Variants in ZNF813 observed in about 807,000 individuals in gnomAD.
ZNF813 encodes zinc finger protein 813.
ZNF813 carries 3 observed loss-of-function variants against 7.2 expected under a neutral mutation model. The observed-to-expected ratio is 0.42, with a 90% CI of 0.19 to 1.08. The LOEUF (loss-of-function observed/expected upper bound fraction) is 1.08. Among genes scored for constraint, ZNF813 ranks in the 50% least tolerant of loss-of-function variants. ZNF813 has a pLI of 0.30. For synonymous variants in ZNF813, 227 were observed against 256.3 expected (o/e 0.89, Z 1.09); for missense variants, 714 against 753.3 (o/e 0.95, Z 0.61).
Position 53,492,403 on chromosome 19 carries a change from A to G in ZNF813, c.*317A>G. 1 of 475,990 alleles carries G rather than the reference A, an allele frequency of 2.1e-6. No individual in the cohort carries two copies. Among genetic ancestry groups the G allele is most frequent in the Non-Finnish European group, 3.9e-6 (1 of 257,052 alleles). 29.5% of individuals were successfully genotyped at this position (475,990 alleles called of 1,614,324 possible). On this transcript the variant is annotated 3_prime_UTR_variant, in exon 4 of 4. Transcript: ENST00000396403. ...AGGTGAAGAATATCACAGAGTTTTCAGTCACAAGTCAAACCTTGAAAGACA... is the reference window on the plus strand; with the variant it reads ...AGGTGAAGAATATCACAGAGTTTTCGGTCACAAGTCAAACCTTGAAAGACA...
chr19:53,472,402 C>A (rs1456351257), intron 1 of ZNF813, among the ~76,000 whole-genome samples: 1 of 152,104 alleles, frequency 6.6e-6, no homozygotes, highest in Non-Finnish European at 1.5e-5. Flanking sequence ...GAGTCTAGGT[C>A]TGCTGCTGGA....
chr19:53,492,450 G>A lies in ZNF813; in HGVS notation c.*364G>A. ...GACATAAAATAAATCATACTGCAGA[G>A]AAACCATAAAATTGTAAGAGTTCGT... On this transcript the variant is annotated 3_prime_UTR_variant, in exon 4 of 4. Transcript: ENST00000396403. 2.4e-6 allele frequency: 1 copy of A among 417,936 alleles called. No homozygotes were observed. The highest frequency in any genetic ancestry group is 4.6e-6 in the Non-Finnish European group (1 of 215,236). The allele number at this position is 417,936 out of a possible 1,614,324, so 25.9% of individuals were successfully genotyped here.
At chr19:53,479,801 C>G (rs568200196) in intron 1 of ZNF813, 2 of 1,180,444 alleles carry the variant, frequency 1.7e-6, no homozygotes, top group South Asian at 2.4e-5. Context: ...GGCAGAGTCC[C>G]GTTGCTGAGA....
chr19:53,474,896 T>C (rs2617693), intron 1 of ZNF813, among the ~76,000 whole-genome samples: 138,448 of 152,110 alleles, frequency 0.91, 63,042 homozygotes, highest in Admixed American at 0.93. Flanking sequence ...TAACTTGGGT[T>C]GTCTTGGAGA....
intron 3 of ZNF813, among the ~76,000 whole-genome samples, chr19:53,490,007 G>T (rs2086451341): frequency 1.3e-5 from 2 of 152,112 alleles, no homozygotes; most frequent in African/African-American, 4.8e-5. Flanking sequence ...GCATTTATTT[G>T]TATACAGCAA....
intron 1 of ZNF813, chr19:53,479,269 A>C: frequency 7.2e-7 from 1 of 1,382,908 alleles, no homozygotes; most frequent in Admixed American, 1.9e-5. Flanking sequence ...TTCTCTTTTA[A>C]TACATAATCA....
rs200794390 is a variant in ZNF813 at position 53,486,801 on chromosome 19, T to C, written c.142+43T>C. ...CCAGAAGTGGGGATGTGCCCTTGTGTATCTTTGTATTTTCTCTTGTTTTTA... is the reference window on the plus strand; with the variant it reads ...CCAGAAGTGGGGATGTGCCCTTGTGCATCTTTGTATTTTCTCTTGTTTTTA... On this transcript the variant is annotated intron_variant, in intron 3 of 3. Transcript: ENST00000396403. 2.0e-5 allele frequency: 32 copies of C among 1,577,428 alleles called. No homozygotes were observed. The East Asian group carries it at 7.2e-4, about 36-fold the overall frequency.
Position 53,471,242 on chromosome 19 carries a change from G to A in ZNF813, c.-74+3453G>A, listed in dbSNP as rs548531767. ...CTTGTCCTTTTTCCTGGCAACTGTC[G>A]GTAGGCCCTTGGTGCACAGATCTAA... is the stretch of plus-strand genomic sequence containing the variant. On this transcript the variant is annotated intron_variant, in intron 1 of 3. Coordinates refer to ENST00000396403, the MANE Select transcript of ZNF813 (RefSeq NM_001004301.4). Among the ~76,000 whole-genome samples the A allele has an allele frequency of 4.6e-5, 7 of 152,112 alleles. 1 individual carries two copies. Among genetic ancestry groups the A allele is most frequent in the South Asian group, 4.1e-4 (2 of 4,822 alleles).
intron 3 of ZNF813, among the ~76,000 whole-genome samples, chr19:53,486,981 G>GTT (rs67693797): frequency 3.7e-4 from 32 of 86,070 alleles, no homozygotes; most frequent in South Asian, 2.0e-3. Context: ...TACTTTTTTA[G>GTT]TTTTTTTTTT....
chr19:53,496,081 A>G lies in ZNF813; in HGVS notation c.*3995A>G. On this transcript the variant is annotated 3_prime_UTR_variant, in exon 4 of 4. Coordinates refer to ENST00000396403, the MANE Select transcript of ZNF813 (RefSeq NM_001004301.4). ...GCACACATATTTATGCTGTGTGAGC[A>G]TTACAATCGCGTTACCATATCAAGC... The G allele has an allele frequency of 3.6e-6, 1 of 275,130 alleles. No individual in the cohort carries two copies. The highest frequency in any genetic ancestry group is 4.6e-5 in the South Asian group (1 of 21,660). 17.0% of individuals were successfully genotyped at this position (275,130 alleles called of 1,614,324 possible). A position where few individuals can be genotyped will look rare whatever the true frequency, so the allele number is the denominator to read the frequency against.
chr19:53,475,805 G>T (rs2086379208), intron 1 of ZNF813, among the ~76,000 whole-genome samples: 2 of 152,234 alleles, frequency 1.3e-5, no homozygotes, highest in Admixed American at 1.3e-4. Flanking sequence ...AGCCCCTATA[G>T]TCATTGTTTT....
intron 2 of ZNF813, among the ~76,000 whole-genome samples, chr19:53,484,645 A>C (rs1260554454): frequency 6.6e-6 from 1 of 152,178 alleles, no homozygotes; most frequent in Non-Finnish European, 1.5e-5. Flanking sequence ...GCTCATGGGA[A>C]CCTCCATCTT....
At chr19:53,470,688 C>T (rs186347516) in intron 1 of ZNF813, among the ~76,000 whole-genome samples, 90 of 146,246 alleles carry the variant, frequency 6.2e-4, no homozygotes, top group African/African-American at 2.1e-3. Flanking sequence ...ACTCAGGAGT[C>T]TACTTTGTCT....
chr19:53,478,471 C>G (rs2086392149), intron 1 of ZNF813, among the ~76,000 whole-genome samples: 1 of 152,126 alleles, frequency 6.6e-6, no homozygotes, highest in Non-Finnish European at 1.5e-5. Flanking sequence ...CGCACCTAGC[C>G]TACATAGTAC....
chr19:53,490,489 G>T lies in ZNF813; in HGVS notation c.257G>T (p.Arg86Leu), dbSNP rs776116657. The part of the protein sequence containing the change: ...RHESHHTGDF[R>L]FQEIDKDIHN... ...GAAAGTCATCACACTGGAGACTTTC[G>T]CTTTCAGGAAATTGATAAAGATATT... Residue 86 changes from arginine (R) to leucine (L), a missense_variant, in exon 4 of 4, where the codon CGC becomes CTC. Physicochemically the swap from Arg to Leu is moderately radical, Grantham distance 102. Coordinates refer to ENST00000396403, the MANE Select transcript of ZNF813 (RefSeq NM_001004301.4). The T allele has an allele frequency of 4.3e-6, 7 of 1,614,078 alleles. No homozygotes were observed. The highest frequency in any genetic ancestry group is 1.3e-5 in the African/African-American group (1 of 75,008).
rs538099280 is a variant in ZNF813, at chr19:53,479,957, T to G, written c.-73-3793T>G. ...CGAGGAGGCAGAGACCCATGCTGAG[T>G]TGGCTGAGAGATCAGTAGCCAAGCT... On this transcript the variant is annotated intron_variant, in intron 1 of 3. Coordinates refer to ENST00000396403, the MANE Select transcript of ZNF813 (RefSeq NM_001004301.4). The G allele has an allele frequency of 2.0e-4, 156 of 774,570 alleles. 2 individuals carry two copies. In the East Asian group the frequency reaches 3.7e-3, roughly 18 times the overall value. The allele number at this position is 774,570 out of a possible 1,614,324, so 48.0% of individuals were successfully genotyped here.
Position 53,492,165 on chromosome 19 carries a change from C to A in ZNF813, c.*79C>A. On this transcript the variant is annotated 3_prime_UTR_variant, in exon 4 of 4. Coordinates refer to ENST00000396403, the MANE Select transcript of ZNF813 (RefSeq NM_001004301.4). ...ATGAGTGTGGCAAGACCTTCTGTCA[C>A]AATTCAGTCCTTGTAATTCATAAGA... The A allele has an allele frequency of 3.9e-6, 6 of 1,534,198 alleles. No individual in the cohort carries two copies. The South Asian group carries it at 7.3e-5, about 19-fold the overall frequency.
intron 1 of ZNF813, among the ~76,000 whole-genome samples, chr19:53,469,630 G>GGACA (rs1384650591): frequency 1.3e-5 from 2 of 151,910 alleles, no homozygotes; most frequent in Non-Finnish European, 2.9e-5. Context: ...GAGAGATGAA[G>GGACA]GACAGCAAGG....
In ZNF813 at chr19:53,493,962, C is replaced by T. The variant is rs751697472; in HGVS notation, c.*1876C>T. The T allele has an allele frequency of 6.6e-6, 1 of 152,242 alleles. No individual in the cohort carries two copies. Among genetic ancestry groups the T allele is most frequent in the Non-Finnish European group, 1.5e-5 (1 of 68,018 alleles). The allele number at this position is 152,242 out of a possible 1,614,324, so 9.4% of individuals were successfully genotyped here. A position where few individuals can be genotyped will look rare whatever the true frequency, so the allele number is the denominator to read the frequency against. On this transcript the variant is annotated 3_prime_UTR_variant, in exon 4 of 4. Transcript: ENST00000396403. ...CTATTGTTGAGGTAAATTTCCTTTT[C>T]TGTCTATTTTGTTCAGAATTTCTAT...
Sources: gnomAD v4.1 joint callset for allele counts (sites outside exome capture counted in the v4.1 genomes callset) on GRCh38, gnomAD v4.1.1 for gene constraint, MANE v1.5 for transcripts, NCBI Gene and HGNC (gene_info 2026-07-23, HGNC 2026-07-21) for gene names.